SIGIRR: variants seen among roughly 807,000 people sequenced by gnomAD.
SIGIRR encodes the protein single Ig and TIR domain containing, also known as single Ig IL-1-related receptor.
A neutral mutation model predicts 45.6 loss-of-function variants in SIGIRR; 41 were observed. That is an observed-to-expected ratio of 0.90 (90% CI 0.70 to 1.17). The LOEUF is 1.17. Among genes scored for constraint, SIGIRR ranks in the 50% most tolerant of loss-of-function variants. The pLI, the probability that SIGIRR is intolerant of heterozygous loss-of-function variation, is 0.00. For missense variants in SIGIRR, 599 were observed against 539.6 expected, an observed-to-expected ratio of 1.11 and a Z score of -1.09; for synonymous variants, 298 against 239.0, an observed-to-expected ratio of 1.25 and a Z score of -2.28.
intron 3 of SIGIRR, 58 bp downstream of exon 3, chr11:408,637 C>G: frequency 6.3e-7 from 1 of 1,595,126 alleles, no homozygotes; most frequent in Non-Finnish European, 8.6e-7. Flanking sequence ...GTCAGGGAGA[C>G]CACTGCCCTT....
In SIGIRR at chr11:408,813, G is replaced by A; in HGVS notation, c.88C>T (p.Leu30=). The change falls in exon 3 of 10, where the codon CTG becomes TTG. Residue 30 remains leucine (L), a synonymous_variant. Coordinates refer to ENST00000431843, the MANE Select transcript of SIGIRR (RefSeq NM_001135054.2). ...LRPALGSSVA[L]NCTAWVVSGP... ...GAGACTACCCAAGCCGTGCAGTTCA[G>A]AGCCACTGAGCTGCCCAAGGCAGGC... The A allele has an allele frequency of 6.2e-7, 1 of 1,612,804 alleles. No individual in the cohort carries two copies. The highest frequency in any genetic ancestry group is 8.5e-7 in the Non-Finnish European group (1 of 1,179,994).
At chr11:410,156 C>T (rs1476751754) in intron 1 of SIGIRR, 129 bp from the exon 2 acceptor site, 12 of 816,928 alleles carry the variant, frequency 1.5e-5, no homozygotes, top group South Asian at 1.2e-4. Context: ...GCAGAGTTCT[C>T]GGAGGCCAGC....
intron 8 of SIGIRR, 111 bp from the exon 9 acceptor site, chr11:406,649 G>T: frequency 7.0e-7 from 1 of 1,434,698 alleles, no homozygotes; most frequent in Non-Finnish European, 9.2e-7. Context: ...CCCTGCGACA[G>T]CTATTCCGTG....
Position 411,067 on chromosome 11 carries a change from G to A in SIGIRR, c.-153-1040C>T, listed in dbSNP as rs1187426174. 3.4e-4 allele frequency among the ~76,000 whole-genome samples: 5 copies of A among 14,814 alleles called. 1 individual carries two copies. The highest frequency in any genetic ancestry group is 6.1e-4 in the Admixed American group (1 of 1,642). 9.7% of individuals were successfully genotyped at this position (14,814 alleles called of 152,430 possible). On this transcript the variant is annotated intron_variant, in intron 1 of 9. Transcript: ENST00000431843. ...GCTCTGACCATGTCTGGATGCAGTC[G>A]GGGGGTGCCCAGCTCTGACCATGTC... is the stretch of plus-strand genomic sequence containing the variant.
intron 2 of SIGIRR, chr11:409,171 T>C (rs905504025): frequency 5.8e-6 from 3 of 519,778 alleles, no homozygotes; most frequent in Middle Eastern, 2.9e-4. Context: ...ATCTGGCTGC[T>C]TGTCCACCCA....
intron 4 of SIGIRR, 43 bp downstream of exon 4, chr11:408,030 T>C: frequency 2.5e-6 from 4 of 1,610,542 alleles, no homozygotes; most frequent in Non-Finnish European, 3.4e-6. Flanking sequence ...CCTCACTAGG[T>C]CTAGGTCCCC....
chr11:407,235 GTGCCGGA>G, intron 6 of SIGIRR, 71 bp from the exon 7 acceptor site: 1 of 1,071,770 alleles, frequency 9.3e-7, no homozygotes, highest in East Asian at 3.3e-5. Flanking sequence ...CTCAGGGGCG[GTGCCGGA>G]CGCAGAGCTC....
chr11:407,846 T>C lies in SIGIRR; in HGVS notation c.452A>G (p.Gln151Arg). ...KCRLNVLLWY[Q>R]DAYGEVEIND... ...TATCTCCACCTCCCCATACGCGTCC[T>C]GGTACCAGAGCAGCACGTTGAGACG... The change falls in exon 5 of 10, where the codon CAG becomes CGG. Residue 151 changes from glutamine to arginine, a missense_variant. Physicochemically the swap from Gln to Arg is conservative, Grantham distance 43. Coordinates refer to ENST00000431843, the MANE Select transcript of SIGIRR (RefSeq NM_001135054.2). 3.7e-6 allele frequency: 6 copies of C among 1,612,564 alleles called. No individual in the cohort carries two copies. The highest frequency in any genetic ancestry group is 4.2e-6 in the Non-Finnish European group (5 of 1,179,834).
In SIGIRR at chr11:405,955, A is replaced by G; in HGVS notation, c.1174T>C (p.Ser392Pro). The G allele has an allele frequency of 6.2e-7, 1 of 1,612,136 alleles. No individual in the cohort carries two copies. Among genetic ancestry groups the G allele is most frequent in the South Asian group, 1.1e-5 (1 of 91,060 alleles). ...TCTGTGCGGGCACTGTAGTTTCGCG[A>G]GCCGAGATCCGAGACGTCCACTTCG... ...SSEVDVSDLG[S>P]RNYSARTDFY... Residue 392 changes from serine (S) to proline (P), a missense_variant, in exon 10 of 10, where the codon TCG (serine) becomes CCG (proline). Ser to Pro is a moderately conservative substitution (Grantham distance 74). Transcript: ENST00000431843.
chr11:407,701 A>C, intron 5 of SIGIRR, 116 bp downstream of exon 5: 3 of 1,564,988 alleles, frequency 1.9e-6, no homozygotes, highest in Non-Finnish European at 2.6e-6. Flanking sequence ...GCCGGGCCGC[A>C]CAGAGCACCC....
intron 1 of SIGIRR, among the ~76,000 whole-genome samples, chr11:414,613 G>A (rs1847828447): frequency 6.6e-6 from 1 of 152,150 alleles, no homozygotes; most frequent in Non-Finnish European, 1.5e-5. Context: ...TGCAACGCTT[G>A]TCACAGAGCC....
At chr11:407,029 G>A in intron 7 of SIGIRR, 33 bp downstream of exon 7, 15 of 1,581,584 alleles carry the variant, frequency 9.5e-6, no homozygotes, top group Non-Finnish European at 1.2e-5. Context: ...TGGGTGCTAC[G>A]CTGGGGCCCA....
intron 2 of SIGIRR, chr11:409,141 C>G: frequency 1.8e-6 from 1 of 560,288 alleles, no homozygotes; most frequent in Non-Finnish European, 3.2e-6. Flanking sequence ...TGAGCTGCCC[C>G]AGGCCCACGC....
At chr11:407,365 A>C in intron 6 of SIGIRR, 60 bp downstream of exon 6, 1 of 1,155,452 alleles carries the variant, frequency 8.7e-7, no homozygotes, top group Non-Finnish European at 1.1e-6. Context: ...GGGACGGAGC[A>C]TGGGGCGGGG....
In SIGIRR at chr11:407,446, G is replaced by T; in HGVS notation, c.604C>A (p.Arg202Ser). ...ATACCAGCGCGCGGCAGGAGGTCGC[G>T]GTCGTCCAGGAAGAGCTTGTAGCCC... is the stretch of plus-strand genomic sequence containing the variant. ...RRGYKLFLDDRDLLPRAEPSA... is the reference protein window; with the variant it reads ...RRGYKLFLDDSDLLPRAEPSA... Residue 202 changes from arginine (R) to serine (S), a missense_variant, in exon 6 of 10, where the codon CGC becomes AGC. By Grantham distance (110) the Arg-to-Ser change is moderately radical. Transcript: ENST00000431843. The T allele has an allele frequency of 6.4e-7, 1 of 1,554,136 alleles. No individual in the cohort carries two copies. The highest frequency in any genetic ancestry group is 8.7e-7 in the Non-Finnish European group (1 of 1,149,374).
Position 407,523 on chromosome 11 carries a change from TC to T in SIGIRR, c.526del (p.Glu176ArgfsTer6). 1.2e-6 allele frequency: 2 copies of T among 1,608,832 alleles called. No individual in the cohort carries two copies. The highest frequency in any genetic ancestry group is 1.7e-4 in the Middle Eastern group (1 of 6,050). ...GATGAAGTTCACGAACTTGCGGTCC[TC>T]GGGGCAGTCGCTGTAGGAGACGTAG... Reference protein sequence around the residue: ...DAYVSYSDCPEDRKFVNFILK... With the variant: ...DAYVSYSDCPXDRKFVNFILK... On this transcript the variant is annotated frameshift_variant, in exon 6 of 10. Transcript: ENST00000431843. LOFTEE classifies it high-confidence loss of function.
intron 3 of SIGIRR, 34 bp from the exon 4 acceptor site, chr11:408,240 G>A (rs200532612): frequency 6.2e-7 from 1 of 1,609,698 alleles, no homozygotes; most frequent in African/African-American, 1.3e-5. Flanking sequence ...GGGTCGACTG[G>A]GGATACCAGT....
Position 407,113 on chromosome 11 carries a change from A to ATATC in SIGIRR, c.676_677insGATA (p.Val226GlyfsTer116). 4 of 1,524,622 alleles carry ATATC rather than the reference A, an allele frequency of 2.6e-6. No individual in the cohort carries two copies. Among genetic ancestry groups the ATATC allele is most frequent in the Admixed American group, 1.9e-5 (1 of 51,806 alleles). 94.4% of individuals were successfully genotyped at this position (1,524,622 alleles called of 1,614,324 possible). A position where few individuals can be genotyped will look rare whatever the true frequency, so the allele number is the denominator to read the frequency against. ...GCTCAGGAAGGCGTCCGAAAGCACC[A>ATATC]CGATGAGGCGTCGGCAGCGGCTCAG... On this transcript the variant is annotated frameshift_variant, in exon 7 of 10. Coordinates refer to ENST00000431843, the MANE Select transcript of SIGIRR (RefSeq NM_001135054.2). LOFTEE classifies it high-confidence loss of function.
rs1303367937 is a variant in SIGIRR at position 405,872 on chromosome 11, T to G, written c.*24A>C. The G allele has an allele frequency of 1.3e-6, 2 of 1,571,252 alleles. No homozygotes were observed. Among genetic ancestry groups the G allele is most frequent in the Non-Finnish European group, 1.7e-6 (2 of 1,153,824 alleles). ...GCTGCCCTGGCCCCCGCTGTCCCTA[T>G]GATCCTGCACTCTGGGGTGGGAGCT... On this transcript the variant is annotated 3_prime_UTR_variant, in exon 10 of 10. Coordinates refer to ENST00000431843, the MANE Select transcript of SIGIRR (RefSeq NM_001135054.2).
Sources: gnomAD v4.1 joint callset for allele counts (sites outside exome capture counted in the v4.1 genomes callset) on GRCh38, gnomAD v4.1.1 for gene constraint, MANE v1.5 for transcripts, NCBI Gene and HGNC (gene_info 2026-07-23, HGNC 2026-07-21) for gene names.